ENPP6: variants seen among roughly 807,000 people sequenced by gnomAD.
The protein encoded by ENPP6 is glycerophosphocholine cholinephosphodiesterase ENPP6.
Under a neutral mutation model 42.0 loss-of-function variants are expected in ENPP6, and 32 were observed. That is an observed-to-expected ratio of 0.76 (90% CI 0.58 to 1.02). The LOEUF (loss-of-function observed/expected upper bound fraction) is 1.02, where lower values mean the gene tolerates loss of function less well. ENPP6 is among the 50% of genes least tolerant of loss of function. The probability of loss-of-function intolerance (pLI) is 0.00; values close to 1 mark genes in which losing one functional copy is unlikely to be tolerated. For synonymous variants in ENPP6, 213 were observed against 216.0 expected, an observed-to-expected ratio of 0.99 and a Z score of 0.12; for missense variants, 552 against 566.8, an observed-to-expected ratio of 0.97 and a Z score of 0.27.
At chr4:184,208,687 T>G (rs901434066) in intron 1 of ENPP6, among the ~76,000 whole-genome samples, 1 of 148,608 alleles carries the variant, frequency 6.7e-6, no homozygotes, top group East Asian at 2.0e-4. Flanking sequence ...TTGCCCAGGC[T>G]TGCTTAGGTA....
intron 5 of ENPP6, among the ~76,000 whole-genome samples, chr4:184,113,863 C>T (rs543651669): frequency 7.9e-5 from 12 of 151,696 alleles, no homozygotes; most frequent in Non-Finnish European, 1.5e-4. Context: ...CTTTTTATCT[C>T]TCTCTCTTTC....
chr4:184,158,576 T>C (rs1395782481), intron 1 of ENPP6, among the ~76,000 whole-genome samples: 2 of 152,260 alleles, frequency 1.3e-5, no homozygotes, highest in Non-Finnish European at 2.9e-5. Context: ...TAAAGGGCAC[T>C]ATCTCTTTGT....
chr4:184,103,488 T>C (rs187134322), intron 6 of ENPP6, among the ~76,000 whole-genome samples: 202 of 152,324 alleles, frequency 1.3e-3, no homozygotes, highest in Non-Finnish European at 2.0e-3. Flanking sequence ...GAAAATACAA[T>C]ACACTTCTGA....
At chr4:184,120,151 G>C (rs1248538077) in intron 3 of ENPP6, among the ~76,000 whole-genome samples, 1 of 152,150 alleles carries the variant, frequency 6.6e-6, no homozygotes, top group African/African-American at 2.4e-5. Flanking sequence ...TGAGTATGTG[G>C]CTGAGCAGGC....
chr4:184,161,310 C>T (rs1737253123), intron 1 of ENPP6, among the ~76,000 whole-genome samples: 1 of 152,130 alleles, frequency 6.6e-6, no homozygotes, highest in Non-Finnish European at 1.5e-5. Context: ...CACTAATTAT[C>T]GGGGAAATGG....
intron 1 of ENPP6, among the ~76,000 whole-genome samples, chr4:184,169,777 A>G (rs1737427541): frequency 6.6e-6 from 1 of 152,240 alleles, no homozygotes. Flanking sequence ...ACTTTGTGTT[A>G]AAAGTGATGA....
In ENPP6 at chr4:184,217,730, C is replaced by T. The variant is rs775647267; in HGVS notation, c.90G>A (p.Leu30=). 1.2e-5 allele frequency: 19 copies of T among 1,614,096 alleles called. No individual in the cohort carries two copies. The highest frequency in any genetic ancestry group is 1.6e-5 in the Non-Finnish European group (19 of 1,180,034). ...TGTAGTCTGAGCGAAAACCATCCAG[C>T]AGAAACACCAGCAGCTTCCGGCGGG... ...ASARRKLLVF[L]LDGFRSDYIS... is the part of the protein sequence containing the mutation. The change falls in exon 1 of 8, where the codon CTG becomes CTA. Residue 30 remains leucine (L), a synonymous_variant. Transcript: ENST00000296741.
chr4:184,126,073 G>C (rs1190767085), intron 2 of ENPP6, among the ~76,000 whole-genome samples: 1 of 152,204 alleles, frequency 6.6e-6, no homozygotes, highest in Non-Finnish European at 1.5e-5. Flanking sequence ...TGACACATCT[G>C]TATGTAAATT....
At position 184,091,401 on chromosome 4, in the gene ENPP6, C is replaced by T; in HGVS notation, c.1118-19G>A. 10 of 1,589,238 alleles carry T rather than the reference C, an allele frequency of 6.3e-6. No individual in the cohort carries two copies. Among genetic ancestry groups the T allele is most frequent in the Non-Finnish European group, 8.6e-6 (10 of 1,165,674 alleles). ...TTGAAATCTGAAAGGGAAAGGCAAA[C>T]AAACAAGTTGTCATGGCAGCTCCAG... On this transcript the variant is annotated intron_variant, in intron 7 of 7. Coordinates refer to ENST00000296741, the MANE Select transcript of ENPP6 (RefSeq NM_153343.4).
At chr4:184,125,495 C>T (rs944365417) in intron 2 of ENPP6, among the ~76,000 whole-genome samples, 11 of 152,048 alleles carry the variant, frequency 7.2e-5, no homozygotes, top group African/African-American at 1.7e-4. Flanking sequence ...GCAGAGGGAG[C>T]GCAGGAGGAA....
chr4:184,113,901 TTCTTTC>T (rs1579615192), intron 5 of ENPP6, among the ~76,000 whole-genome samples: 2 of 61,004 alleles, frequency 3.3e-5, no homozygotes, highest in African/African-American at 6.3e-5. Context: ...TTTCTTTCTT[TTCTTTC>T]TTTCTTTCTT....
chr4:184,173,323 T>C (rs28412192), intron 1 of ENPP6, among the ~76,000 whole-genome samples: 1,526 of 152,260 alleles, frequency 0.01, 20 homozygotes, highest in African/African-American at 0.033. Flanking sequence ...CAACACAATA[T>C]TGGAAACAAT....
intron 1 of ENPP6, among the ~76,000 whole-genome samples, chr4:184,212,935 C>T (rs1370009337): frequency 6.6e-6 from 1 of 151,970 alleles, no homozygotes; most frequent in Non-Finnish European, 1.5e-5. Flanking sequence ...AATAACGCCG[C>T]ATATCTACAA....
Position 184,097,309 on chromosome 4 carries a change from A to C in ENPP6, c.1053T>G (p.Arg351=). 1 of 1,614,146 alleles carries C rather than the reference A, an allele frequency of 6.2e-7. No individual in the cohort carries two copies. Among genetic ancestry groups the C allele is most frequent in the Non-Finnish European group, 8.5e-7 (1 of 1,180,016 alleles). Residue 351 remains arginine, a synonymous_variant, in exon 7 of 8, where the codon CGT becomes CGG. Transcript: ENST00000296741. ...GCTCGTTGTCGTAGCCGTGCCATCC[A>C]CGCTGCCAACCTTCCCGCCTGCCGG... The part of the protein sequence containing the change: ...NSTGRREGWQ[R]GWHGYDNELM...
At chr4:184,155,319 A>C (rs1737139468) in intron 1 of ENPP6, among the ~76,000 whole-genome samples, 1 of 152,180 alleles carries the variant, frequency 6.6e-6, no homozygotes, top group Non-Finnish European at 1.5e-5. Context: ...CTGTGTCACA[A>C]ATTGTATTAT....
At chr4:184,100,151 C>A (rs1329559238) in intron 6 of ENPP6, among the ~76,000 whole-genome samples, 1 of 152,204 alleles carries the variant, frequency 6.6e-6, no homozygotes, top group African/African-American at 2.4e-5. Context: ...AAAACAATTG[C>A]TCTTACTGAT....
chr4:184,178,827 G>A (rs1031140687), intron 1 of ENPP6, among the ~76,000 whole-genome samples: 2 of 152,226 alleles, frequency 1.3e-5, no homozygotes, highest in African/African-American at 4.8e-5. Context: ...AACAAATGCT[G>A]AGGGAATTCA....
chr4:184,110,635 G>A (rs1333168178), intron 6 of ENPP6, among the ~76,000 whole-genome samples: 4 of 152,238 alleles, frequency 2.6e-5, no homozygotes, highest in South Asian at 2.1e-4. Context: ...ATGTCCTGAC[G>A]GGATATGATG....
chr4:184,111,482 A>C (rs1188326180), intron 6 of ENPP6, among the ~76,000 whole-genome samples: 1 of 152,012 alleles, frequency 6.6e-6, no homozygotes, highest in African/African-American at 2.4e-5. Flanking sequence ...ACCTAACCTC[A>C]CTCCAGGTGA....
Sources: allele counts gnomAD v4.1 joint callset (sites outside exome capture counted in the v4.1 genomes callset), GRCh38; gene constraint gnomAD v4.1.1; transcripts MANE v1.5; gene names NCBI Gene and HGNC (gene_info 2026-07-23, HGNC 2026-07-21).